The following SUGP2 variants were observed in gnomAD, a reference collection of about 807,000 sequenced individuals.
SUGP2 encodes the protein SURP and G-patch domain-containing protein 2.
A neutral mutation model predicts 90.5 loss-of-function variants in SUGP2; 24 were observed. The ratio of observed to expected loss-of-function variants is 0.27; its 90% CI spans 0.19 to 0.37. SUGP2 has a LOEUF of 0.37. Ranked by LOEUF, SUGP2 falls within the 10% of genes least tolerant of loss-of-function variation. SUGP2 has a pLI of 1.00. For synonymous variants in SUGP2, 473 were observed against 513.4 expected, an observed-to-expected ratio of 0.92 and a Z score of 1.06; for missense variants, 1,233 against 1,363.3, an observed-to-expected ratio of 0.90 and a Z score of 1.51.
intron 2 of SUGP2, among the ~76,000 whole-genome samples, chr19:19,028,388 G>A (rs144752278): frequency 4.0e-4 from 61 of 152,330 alleles, no homozygotes; most frequent in Middle Eastern, 3.4e-3. Context: ...CTCACTGGCT[G>A]CTGCACAGGG....
rs558510315 is a variant in SUGP2 at position 19,029,224 on chromosome 19, C to T, written c.121+1727G>A. Among the ~76,000 whole-genome samples the T allele has an allele frequency of 2.5e-3, 384 of 151,988 alleles. 3 individuals are homozygous for T. Among genetic ancestry groups the T allele is most frequent in the Non-Finnish European group, 2.3e-3 (156 of 67,972 alleles). On this transcript the variant is annotated intron_variant, in intron 2 of 10. Transcript: ENST00000452918. ...TGGCACAACCTTGGCTCGCTGCAAC[C>T]TCCGCCTCCTGGGTTCACGCCATTC...
chr19:19,002,392 A>G (rs1345438447), intron 7 of SUGP2, among the ~76,000 whole-genome samples: 1 of 152,104 alleles, frequency 6.6e-6, no homozygotes, highest in Non-Finnish European at 1.5e-5. Flanking sequence ...AAAAAAAAAA[A>G]AGAATTAAAG....
intron 4 of SUGP2, 102 bp downstream of exon 4, chr19:19,019,007 G>C: frequency 7.5e-7 from 1 of 1,330,142 alleles, no homozygotes; most frequent in Non-Finnish European, 1.0e-6. Context: ...AACACCACTT[G>C]CTCAAGTATC....
chr19:19,011,362 G>A (rs768055692), intron 4 of SUGP2, among the ~76,000 whole-genome samples: 2 of 151,796 alleles, frequency 1.3e-5, no homozygotes, highest in Non-Finnish European at 2.9e-5. Flanking sequence ...TGCCTAGGCT[G>A]ATCTCAAACT....
chr19:19,017,927 C>CA (rs1555739636), intron 4 of SUGP2, among the ~76,000 whole-genome samples: 1 of 140,092 alleles, frequency 7.1e-6, no homozygotes, highest in Non-Finnish European at 1.6e-5. Context: ...CTGATCATCA[C>CA]TTTTTTTTTT....
chr19:19,023,936 T>C (rs1258155747), intron 3 of SUGP2, among the ~76,000 whole-genome samples: 2 of 151,830 alleles, frequency 1.3e-5, no homozygotes, highest in Non-Finnish European at 2.9e-5. Context: ...CTTCTTTTTT[T>C]CAAAGGTTAA....
At chr19:19,000,644 C>A (rs897955480) in intron 8 of SUGP2, among the ~76,000 whole-genome samples, 1 of 150,310 alleles carries the variant, frequency 6.7e-6, no homozygotes, top group Non-Finnish European at 1.5e-5. Flanking sequence ...TCAAGTGATC[C>A]CCCTGTCTTG....
intron 2 of SUGP2, among the ~76,000 whole-genome samples, chr19:19,027,543 C>T (rs1181883556): frequency 6.6e-6 from 1 of 152,058 alleles, no homozygotes; most frequent in East Asian, 1.9e-4. Context: ...AGTTAAGTAC[C>T]AAGAAGACAA....
At chr19:19,029,094 T>C (rs2059042670) in intron 2 of SUGP2, among the ~76,000 whole-genome samples, 1 of 152,040 alleles carries the variant, frequency 6.6e-6, no homozygotes, top group African/African-American at 2.4e-5. Context: ...ACTTCCTGCC[T>C]CAGCCTCCCA....
intron 8 of SUGP2, among the ~76,000 whole-genome samples, chr19:18,997,520 C>A (rs2057652128): frequency 6.6e-6 from 1 of 152,122 alleles, no homozygotes; most frequent in Admixed American, 6.5e-5. Context: ...CGCGGTGGCT[C>A]ACGCCTGTAG....
At chr19:18,994,295 G>A in intron 10 of SUGP2, 71 bp downstream of exon 10, 1 of 1,558,572 alleles carries the variant, frequency 6.4e-7, no homozygotes, top group Non-Finnish European at 8.7e-7. Context: ...CAACTTTGTT[G>A]GGGGAAATTT....
chr19:19,010,960 CA>C (rs1419169717), intron 4 of SUGP2, among the ~76,000 whole-genome samples: 1 of 151,432 alleles, frequency 6.6e-6, no homozygotes, highest in African/African-American at 2.4e-5. Context: ...GGCAACAAAA[CA>C]AGATCCCATT....
At chr19:19,016,204 T>C (rs1400804965) in intron 4 of SUGP2, among the ~76,000 whole-genome samples, 2 of 152,132 alleles carry the variant, frequency 1.3e-5, no homozygotes, top group Non-Finnish European at 1.5e-5. Context: ...AATTTTTTTT[T>C]GTATTTTTAG....
intron 2 of SUGP2, among the ~76,000 whole-genome samples, chr19:19,027,799 G>A (rs1396938381): frequency 1.3e-5 from 2 of 152,038 alleles, no homozygotes; most frequent in East Asian, 3.8e-4. Flanking sequence ...CACCATGCCC[G>A]GCTAACTTTT....
chr19:19,033,707 G>A (rs2059292234), upstream of SUGP2: 2 of 271,940 alleles, frequency 7.4e-6, no homozygotes, highest in Middle Eastern at 1.0e-3. Flanking sequence ...TGAGCGTCCC[G>A]GAAGGGGCGG....
At chr19:19,033,565 A>C, upstream of SUGP2, 2 of 1,245,082 alleles carry the variant, frequency 1.6e-6, no homozygotes, top group Non-Finnish European at 2.0e-6. Flanking sequence ...CGCAGGCGCA[A>C]GCCGCCGCCG....
chr19:19,024,751 C>A lies in SUGP2; in HGVS notation c.1597G>T (p.Ala533Ser), dbSNP rs779949526. The change falls in exon 3 of 11, where the codon GCC becomes TCC. Residue 533 changes from alanine to serine, a missense_variant. Ala to Ser is a moderately conservative substitution (Grantham distance 99). Around this residue, in one of 8 missense-constraint regions of SUGP2, gnomAD observed 540 missense variants for 542.6 expected, o/e 1.00. Transcript: ENST00000452918. ...FGREYIDHLK[A>S]WLVSSGCPLQ... ...GGACATCCGCTGCTGACTAGCCAGG[C>A]CTTCAGGTGGTCTATGTACTCTCGC... 8.7e-6 allele frequency: 14 copies of A among 1,614,020 alleles called. No homozygotes were observed. Among genetic ancestry groups the A allele is most frequent in the African/African-American group, 1.3e-5 (1 of 74,912 alleles).
chr19:18,991,351 G>A lies in SUGP2; in HGVS notation c.*2390C>T, dbSNP rs994648766. On this transcript the variant is annotated 3_prime_UTR_variant, in exon 11 of 11. Transcript: ENST00000452918. ...CTGGCAGCACGCACCATGCTCTGCT[G>A]GCTCCCGACACCTTCACTGCCCCAG... 1 of 152,402 alleles carries A rather than the reference G, an allele frequency of 6.6e-6. No homozygotes were observed. Among genetic ancestry groups the A allele is most frequent in the African/African-American group, 2.4e-5 (1 of 41,470 alleles). The allele number at this position is 152,402 out of a possible 1,614,324, so 9.4% of individuals were successfully genotyped here.
At position 19,010,181 on chromosome 19, in the gene SUGP2, T is replaced by C. The variant is rs1475132227; in HGVS notation, c.2012A>G (p.Lys671Arg). Residue 671 changes from lysine (K) to arginine (R), a missense_variant, in exon 5 of 11, where the codon AAG becomes AGG. Transcript: ENST00000452918. ...MLYSRAVRNL[K>R]KKLLPWQRRG... Reference sequence around the variant, plus strand: ...CCGCTGCCACGGAAGGAGTTTCTTCTTGAGGTTGCGGACAGCCCGGGAGTA... The same window carrying C: ...CCGCTGCCACGGAAGGAGTTTCTTCCTGAGGTTGCGGACAGCCCGGGAGTA... The C allele has an allele frequency of 1.4e-5, 22 of 1,613,632 alleles. No individual in the cohort carries two copies. The highest frequency in any genetic ancestry group is 1.9e-5 in the Non-Finnish European group (22 of 1,179,954).
Sources: allele counts gnomAD v4.1 joint callset (sites outside exome capture counted in the v4.1 genomes callset), GRCh38; gene constraint gnomAD v4.1.1; regional missense constraint gnomAD v4.1.1; transcripts MANE v1.5; gene names NCBI Gene and HGNC (gene_info 2026-07-23, HGNC 2026-07-21).